The following SIPA1L2 variants were observed in gnomAD, a reference collection of about 807,000 sequenced individuals.
SIPA1L2 encodes signal-induced proliferation-associated 1-like protein 2.
Under a neutral mutation model 163.9 loss-of-function variants are expected in SIPA1L2, and 56 were observed. That is an observed-to-expected ratio of 0.34 (90% CI 0.28 to 0.43). The LOEUF (loss-of-function observed/expected upper bound fraction) is 0.43, where lower values mean the gene tolerates loss of function less well. SIPA1L2 is among the 20% of genes least tolerant of loss of function. The probability of loss-of-function intolerance (pLI) is 1.00; values close to 1 mark genes in which losing one functional copy is unlikely to be tolerated. For missense variants in SIPA1L2, 1,974 were observed against 2,193.5 expected, an observed-to-expected ratio of 0.90 and a Z score of 2.00; for synonymous variants, 877 against 865.7, an observed-to-expected ratio of 1.01 and a Z score of -0.23.
chr1:232,445,712 T>A lies in SIPA1L2; in HGVS notation c.3170A>T (p.Lys1057Ile). 1.2e-6 allele frequency: 2 copies of A among 1,613,632 alleles called. No homozygotes were observed. Among genetic ancestry groups the A allele is most frequent in the Non-Finnish European group, 1.7e-6 (2 of 1,179,860 alleles). ...LDSEGTPCEY[K>I]TPFRRNTTWH... ...CGTGGTGTTCCTCCTGAAGGGGGTT[T>A]TATACTCGCAGGGGGTGCCCTCGCT... The change falls in exon 11 of 23, where the codon AAA (lysine) becomes ATA (isoleucine). Residue 1057 changes from lysine (K) to isoleucine (I), a missense_variant. By Grantham distance (102) the Lys-to-Ile change is moderately radical. Transcript: ENST00000674635.
At chr1:232,439,073 C>T in intron 15 of SIPA1L2, 35 bp downstream of exon 15, 2 of 1,550,542 alleles carry the variant, frequency 1.3e-6, no homozygotes, top group Non-Finnish European at 1.7e-6. Context: ...CAGGTGGCAC[C>T]AGCAGGTACT....
chr1:232,413,347 G>A (rs556180027), intron 19 of SIPA1L2, among the ~76,000 whole-genome samples: 1 of 152,118 alleles, frequency 6.6e-6, no homozygotes, highest in Admixed American at 6.5e-5. Flanking sequence ...AGTTATGACC[G>A]AAATCCCTAA....
At position 232,441,847 on chromosome 1, in the gene SIPA1L2, G is replaced by C. The variant is rs746173357; in HGVS notation, c.3459C>G (p.Leu1153=). 1.2e-5 allele frequency: 20 copies of C among 1,612,844 alleles called. No homozygotes were observed. Among genetic ancestry groups the C allele is most frequent in the Non-Finnish European group, 1.6e-5 (19 of 1,179,438 alleles). ...GYDGCQSPLL[L]EHQGSGPLEC... ...CCAAAGGGCCTGAGCCCTGGTGTTCGAGCAGTAGAGGGGACTGGCACCTGA... is the reference window on the plus strand; with the variant it reads ...CCAAAGGGCCTGAGCCCTGGTGTTCCAGCAGTAGAGGGGACTGGCACCTGA... Residue 1153 remains leucine, a synonymous_variant, in exon 13 of 23, where the codon CTC becomes CTG. Coordinates refer to ENST00000674635, the MANE Select transcript of SIPA1L2 (RefSeq NM_020808.5).
chr1:232,556,710 C>G (rs1295766560), intron 2 of SIPA1L2, among the ~76,000 whole-genome samples: 1 of 144,344 alleles, frequency 6.9e-6, no homozygotes, highest in Non-Finnish European at 1.5e-5. Context: ...ATCTTATCCT[C>G]TCATACAAAC....
At chr1:232,597,399 C>G (rs183146147) in intron 1 of SIPA1L2, among the ~76,000 whole-genome samples, 2 of 151,776 alleles carry the variant, frequency 1.3e-5, no homozygotes, top group Non-Finnish European at 2.9e-5. Flanking sequence ...AAGATTTGGC[C>G]GGGCGCGGTG....
chr1:232,399,747 T>A (rs781599820), intron 22 of SIPA1L2, among the ~76,000 whole-genome samples: 3 of 152,164 alleles, frequency 2.0e-5, no homozygotes, highest in Non-Finnish European at 4.4e-5. Context: ...ACCCTTAAAA[T>A]CTGCTATTAA....
At chr1:232,414,332 A>G (rs770632579) in intron 19 of SIPA1L2, among the ~76,000 whole-genome samples, 9 of 152,150 alleles carry the variant, frequency 5.9e-5, no homozygotes, top group Non-Finnish European at 1.2e-4. Context: ...CCAGCTGGGT[A>G]GAGCGAAGCC....
chr1:232,507,176 A>ATTT (rs11373672), intron 3 of SIPA1L2, among the ~76,000 whole-genome samples: 2 of 146,866 alleles, frequency 1.4e-5, no homozygotes, highest in African/African-American at 2.5e-5. Flanking sequence ...ACGGTCTGTG[A>ATTT]TTTTTTTTTT....
At chr1:232,399,543 C>A (rs753358815) in intron 22 of SIPA1L2, among the ~76,000 whole-genome samples, 4 of 151,942 alleles carry the variant, frequency 2.6e-5, no homozygotes, top group Non-Finnish European at 4.4e-5. Context: ...GGGTGTTCAT[C>A]ATAGTTTATA....
intron 1 of SIPA1L2, among the ~76,000 whole-genome samples, chr1:232,591,680 G>A (rs1186674963): frequency 6.6e-6 from 1 of 152,236 alleles, no homozygotes; most frequent in African/African-American, 2.4e-5. Context: ...GTGAGGCCAT[G>A]TTAGGGCAGA....
intron 16 of SIPA1L2, among the ~76,000 whole-genome samples, chr1:232,431,785 T>C (rs1488400334): frequency 6.6e-6 from 1 of 152,222 alleles, no homozygotes; most frequent in East Asian, 1.9e-4. Context: ...CATCCTTTCC[T>C]ACGTGCCCAC....
chr1:232,429,538 G>T (rs1268912636), intron 16 of SIPA1L2, among the ~76,000 whole-genome samples: 1 of 151,930 alleles, frequency 6.6e-6, no homozygotes, highest in African/African-American at 2.4e-5. Context: ...CCTGAGGTAG[G>T]ACAGGTTTCC....
chr1:232,565,319 T>C (rs1659340843), intron 2 of SIPA1L2, among the ~76,000 whole-genome samples: 1 of 152,216 alleles, frequency 6.6e-6, no homozygotes, highest in African/African-American at 2.4e-5. Flanking sequence ...ATCAAACTGT[T>C]TTCACCAAGC....
intron 3 of SIPA1L2, among the ~76,000 whole-genome samples, chr1:232,513,082 G>A (rs894077759): frequency 6.6e-6 from 1 of 152,164 alleles, no homozygotes; most frequent in Admixed American, 6.5e-5. Context: ...GAGAGGTGCC[G>A]GAGTGTTTTC....
intron 8 of SIPA1L2, among the ~76,000 whole-genome samples, chr1:232,466,123 ACTC>A (rs957236380): frequency 1.3e-5 from 2 of 152,110 alleles, no homozygotes; most frequent in African/African-American, 4.8e-5. Context: ...GCACTCTATA[ACTC>A]TGTGGGGCTG....
At chr1:232,500,926 T>C (rs979577488) in intron 3 of SIPA1L2, among the ~76,000 whole-genome samples, 1 of 152,070 alleles carries the variant, frequency 6.6e-6, no homozygotes, top group Non-Finnish European at 1.5e-5. Flanking sequence ...ACAGCCGCCC[T>C]AACCTTCAAC....
rs535293538 is a variant in SIPA1L2, at chr1:232,505,660, C to T, written c.1483+8197G>A. ...AGAAAGCCCCGGTGTTTTCCACCGA[C>T]GGCCACATGGAGCCCGTGCGACCAC... is the stretch of plus-strand genomic sequence containing the variant. On this transcript the variant is annotated intron_variant, in intron 3 of 22. Coordinates refer to ENST00000674635, the MANE Select transcript of SIPA1L2 (RefSeq NM_020808.5). Among the ~76,000 whole-genome samples the T allele has an allele frequency of 5.5e-4, 83 of 152,236 alleles. 1 individual carries two copies. The highest frequency in any genetic ancestry group is 1.9e-3 in the African/African-American group (80 of 41,548).
intron 1 of SIPA1L2, among the ~76,000 whole-genome samples, chr1:232,608,422 G>C (rs970887323): frequency 2.0e-5 from 3 of 152,168 alleles, no homozygotes; most frequent in South Asian, 2.1e-4. Context: ...CAAATATCCA[G>C]TGAGGGACTG....
chr1:232,580,548 C>G (rs11806420), intron 1 of SIPA1L2, among the ~76,000 whole-genome samples: 3,600 of 152,210 alleles, frequency 0.024, 143 homozygotes, highest in African/African-American at 0.082. Flanking sequence ...TATGATGGTA[C>G]CTCAAGTTAT....
Sources: allele counts gnomAD v4.1 joint callset (sites outside exome capture counted in the v4.1 genomes callset), GRCh38; gene constraint gnomAD v4.1.1; transcripts MANE v1.5; gene names NCBI Gene and HGNC (gene_info 2026-07-23, HGNC 2026-07-21).